CAMKMT: variants seen among roughly 807,000 people sequenced by gnomAD.
The protein encoded by CAMKMT is calmodulin-lysine N-methyltransferase.
CAMKMT carries 53 observed loss-of-function variants against 48.0 expected under a neutral mutation model. The ratio of observed to expected loss-of-function variants is 1.10; its 90% CI spans 0.89 to 1.39. The LOEUF is 1.39. CAMKMT is among the 40% of genes most tolerant of loss of function. CAMKMT has a pLI of 0.00. For missense variants in CAMKMT, 428 were observed against 402.7 expected (o/e 1.06, Z -0.54); for synonymous variants, 165 against 152.3 (o/e 1.08, Z -0.61).
chr2:44,600,334 A>G (rs1670912514), intron 3 of CAMKMT, among the ~76,000 whole-genome samples: 2 of 151,816 alleles, frequency 1.3e-5, no homozygotes, highest in African/African-American at 4.8e-5. Flanking sequence ...TGGCACCATC[A>G]TAGCTCACTA....
chr2:44,440,318 G>T (rs1206380859), intron 3 of CAMKMT, among the ~76,000 whole-genome samples: 1 of 152,048 alleles, frequency 6.6e-6, no homozygotes, highest in Admixed American at 6.6e-5. Context: ...CTTGATAGCA[G>T]TAATAGAAAA....
At chr2:44,466,717 A>C (rs1558637033) in intron 3 of CAMKMT, among the ~76,000 whole-genome samples, 2 of 152,176 alleles carry the variant, frequency 1.3e-5, no homozygotes, top group Non-Finnish European at 1.5e-5. Flanking sequence ...AATTAACAAA[A>C]CTAAGATGGC....
At chr2:44,725,380 G>T (rs1206087737) in intron 7 of CAMKMT, among the ~76,000 whole-genome samples, 1 of 152,082 alleles carries the variant, frequency 6.6e-6, no homozygotes, top group Non-Finnish European at 1.5e-5. Context: ...ACTATGATGG[G>T]CTTTTTATGG....
rs78127545 is a variant in CAMKMT, at chr2:44,577,054, G to A, written c.377-127229G>A. Among the ~76,000 whole-genome samples, 1,043 of 152,296 alleles carry A rather than the reference G, an allele frequency of 6.8e-3. 15 individuals carry two copies. The highest frequency in any genetic ancestry group is 0.024 in the African/African-American group (985 of 41,554). The stretch of plus-strand genomic sequence containing the variant: ...GTTTTTCAAATCTGCACTATCTTCT[G>A]TAAGCATTCTGGTTAAATAATTCCC... On this transcript the variant is annotated intron_variant, in intron 3 of 10. Transcript: ENST00000378494.
In CAMKMT at chr2:44,707,507, T is replaced by C. The variant is rs749179983; in HGVS notation, c.556+45T>C. On this transcript the variant is annotated intron_variant, in intron 6 of 10. Coordinates refer to ENST00000378494, the MANE Select transcript of CAMKMT (RefSeq NM_024766.5). ...AAACGGGTTTGTTGTGCTCATTCCT[T>C]TTTCCTGGCTGAGTAACAATTGATA... is the stretch of plus-strand genomic sequence containing the variant. 4.0e-5 allele frequency: 61 copies of C among 1,525,604 alleles called. No homozygotes were observed. In the South Asian group the frequency reaches 7.1e-4, roughly 18 times the overall value. The allele number at this position is 1,525,604 out of a possible 1,614,324, so 94.5% of individuals were successfully genotyped here.
chr2:44,576,488 A>G (rs958463605), intron 3 of CAMKMT, among the ~76,000 whole-genome samples: 2 of 152,246 alleles, frequency 1.3e-5, no homozygotes, highest in African/African-American at 2.4e-5. Flanking sequence ...GGAAGCAGTC[A>G]TCTGCTAAAA....
chr2:44,654,319 TTTTC>T (rs974647805), intron 3 of CAMKMT, among the ~76,000 whole-genome samples: 11 of 152,178 alleles, frequency 7.2e-5, no homozygotes, highest in African/African-American at 2.7e-4. Context: ...AATTCTATTG[TTTTC>T]TTTAAGTTTT....
intron 2 of CAMKMT, among the ~76,000 whole-genome samples, chr2:44,376,866 C>T (rs989516135): frequency 2.0e-5 from 3 of 152,090 alleles, no homozygotes; most frequent in African/African-American, 4.8e-5. Flanking sequence ...TTACAAAACT[C>T]CCAAGGTTTG....
chr2:44,595,139 A>T (rs1310059599), intron 3 of CAMKMT, among the ~76,000 whole-genome samples: 1 of 152,190 alleles, frequency 6.6e-6, no homozygotes, highest in Non-Finnish European at 1.5e-5. Context: ...GATCATTAAA[A>T]AGTCAGGAAA....
intron 3 of CAMKMT, among the ~76,000 whole-genome samples, chr2:44,545,890 A>C (rs1302558345): frequency 1.3e-5 from 2 of 152,116 alleles, no homozygotes; most frequent in Non-Finnish European, 2.9e-5. Flanking sequence ...TCATCAACTC[A>C]TTTAAAACAA....
At chr2:44,704,004 A>C (rs1380420410) in intron 3 of CAMKMT, among the ~76,000 whole-genome samples, 4 of 152,086 alleles carry the variant, frequency 2.6e-5, no homozygotes, top group African/African-American at 7.2e-5. Context: ...ATTTAACTTG[A>C]TATTTGTGAT....
intron 3 of CAMKMT, among the ~76,000 whole-genome samples, chr2:44,521,646 T>C (rs531478191): frequency 6.6e-6 from 1 of 152,298 alleles, no homozygotes; most frequent in South Asian, 2.1e-4. Flanking sequence ...TAGAATTATG[T>C]AGCTAATAAG....
At position 44,739,492 on chromosome 2, in the gene CAMKMT, G is replaced by A. The variant is rs374510540; in HGVS notation, c.624-4130G>A. ...GAAGTGAGTTTTAGGGAAAATGATT[G>A]GGAATTCAAATTTGGACATGTTAGG... On this transcript the variant is annotated intron_variant, in intron 7 of 10. Coordinates refer to ENST00000378494, the MANE Select transcript of CAMKMT (RefSeq NM_024766.5). 8.5e-5 allele frequency among the ~76,000 whole-genome samples: 13 copies of A among 152,282 alleles called. No individual in the cohort carries two copies. The East Asian group carries it at 2.5e-3, about 29-fold the overall frequency.
intron 3 of CAMKMT, among the ~76,000 whole-genome samples, chr2:44,626,662 T>A (rs1304611673): frequency 1.3e-5 from 2 of 152,112 alleles, no homozygotes; most frequent in Admixed American, 6.6e-5. Flanking sequence ...TCTTTATAAG[T>A]GCACTAATTC....
chr2:44,706,335 G>A lies in CAMKMT; in HGVS notation c.486G>A (p.Gly162=). The change falls in exon 5 of 11, where the codon GGG becomes GGA. Residue 162 remains glycine, a synonymous_variant. Transcript: ENST00000378494. ...GGGGTGGCATGACATGCTTGGCTGG[G>A]CTCATGGTAGGTCTTTTCTCCATTC... The part of the protein sequence containing the change: ...ELGGGMTCLA[G]LMVAISADVK... 1 of 1,613,290 alleles carries A rather than the reference G, an allele frequency of 6.2e-7. No individual in the cohort carries two copies. Among genetic ancestry groups the A allele is most frequent in the African/African-American group, 1.3e-5 (1 of 74,936 alleles).
At position 44,673,471 on chromosome 2, in the gene CAMKMT, GAGGAAGGAAGGA is replaced by G. The variant is rs201284067; in HGVS notation, c.377-30771_377-30760del. ...AGAGAGAAAGAGAAAGAAAGAGAGA[GAGGAAGGAAGGA>G]AGGAAGGAAGGAAGGAAGGAAGGAA... On this transcript the variant is annotated intron_variant, in intron 3 of 10. Coordinates refer to ENST00000378494, the MANE Select transcript of CAMKMT (RefSeq NM_024766.5). Among the ~76,000 whole-genome samples, 590 of 116,862 alleles carry G rather than the reference GAGGAAGGAAGGA, an allele frequency of 5.0e-3. 2 individuals are homozygous for G. Among genetic ancestry groups the G allele is most frequent in the African/African-American group, 7.8e-3 (217 of 27,806 alleles). 76.7% of individuals were successfully genotyped at this position (116,862 alleles called of 152,430 possible). A position where few individuals can be genotyped will look rare whatever the true frequency, so the allele number is the denominator to read the frequency against.
At chr2:44,453,392 C>A (rs751298034) in intron 3 of CAMKMT, among the ~76,000 whole-genome samples, 5 of 151,884 alleles carry the variant, frequency 3.3e-5, no homozygotes, top group Non-Finnish European at 7.4e-5. Context: ...TTAAAATTAG[C>A]CCAGGGGTCT....
intron 3 of CAMKMT, chr2:44,457,256 T>C (rs1667612193): frequency 6.6e-6 from 1 of 152,188 alleles, no homozygotes; most frequent in Admixed American, 6.5e-5. Flanking sequence ...TATATTTCTG[T>C]ATACTTAAAA....
At chr2:44,622,815 T>C (rs75244740) in intron 3 of CAMKMT, among the ~76,000 whole-genome samples, 4,193 of 152,300 alleles carry the variant, frequency 0.028, 191 homozygotes, top group African/African-American at 0.095. Flanking sequence ...ATGTGTCTTA[T>C]TGGTAGAATG....
Sources: allele counts gnomAD v4.1 joint callset (sites outside exome capture counted in the v4.1 genomes callset), GRCh38; gene constraint gnomAD v4.1.1; transcripts MANE v1.5; gene names NCBI Gene and HGNC (gene_info 2026-07-23, HGNC 2026-07-21).